TGFB2: variants seen among roughly 807,000 people sequenced by gnomAD.
TGFB2 encodes transforming growth factor beta 2, also known as transforming growth factor beta-2 proprotein.
TGFB2 carries 13 observed loss-of-function variants against 42.7 expected under a neutral mutation model. The ratio of observed to expected loss-of-function variants is 0.30; its 90% CI spans 0.20 to 0.48. TGFB2 has a LOEUF of 0.48. Among genes scored for constraint, TGFB2 ranks in the 20% least tolerant of loss-of-function variants. TGFB2 has a pLI of 0.99. For missense variants in TGFB2, 390 were observed against 517.5 expected, an observed-to-expected ratio of 0.75 and a Z score of 2.39; for synonymous variants, 193 against 193.6, an observed-to-expected ratio of 1.00 and a Z score of 0.03.
At chr1:218,359,184 G>T (rs1042691986) in intron 1 of TGFB2, among the ~76,000 whole-genome samples, 4 of 152,164 alleles carry the variant, frequency 2.6e-5, no homozygotes, top group African/African-American at 9.7e-5. Context: ...GAAGCAGGAG[G>T]TTCCACCTTC....
chr1:218,390,607 C>T (rs1458638169), intron 1 of TGFB2, among the ~76,000 whole-genome samples: 1 of 152,114 alleles, frequency 6.6e-6, no homozygotes, highest in African/African-American at 2.4e-5. Context: ...CATACTTAAA[C>T]ATTTTAAAGT....
chr1:218,404,756 C>A (rs944860541), intron 1 of TGFB2, among the ~76,000 whole-genome samples: 17 of 152,152 alleles, frequency 1.1e-4, no homozygotes, highest in African/African-American at 4.1e-4. Context: ...AAAAAAAATA[C>A]ATGGGCAAAC....
intron 1 of TGFB2, among the ~76,000 whole-genome samples, chr1:218,356,292 C>G (rs907354395): frequency 3.9e-5 from 6 of 151,992 alleles, no homozygotes; most frequent in African/African-American, 1.4e-4. Flanking sequence ...ACATGGCTCA[C>G]TGAAGCCTCC....
chr1:218,352,256 C>T (rs1052271716), intron 1 of TGFB2, among the ~76,000 whole-genome samples: 8 of 151,918 alleles, frequency 5.3e-5, no homozygotes, highest in Non-Finnish European at 7.4e-5. Context: ...CTGATGGGCT[C>T]CCGGAGAGAG....
chr1:218,376,190 T>A (rs533268555), intron 1 of TGFB2, among the ~76,000 whole-genome samples: 3 of 152,312 alleles, frequency 2.0e-5, no homozygotes, highest in Non-Finnish European at 4.4e-5. Context: ...ACAATAGAAT[T>A]TAAAATATTG....
intron 2 of TGFB2, among the ~76,000 whole-genome samples, chr1:218,430,248 G>T (rs1659763699): frequency 6.6e-6 from 1 of 151,926 alleles, no homozygotes; most frequent in Non-Finnish European, 1.5e-5. Flanking sequence ...TAAAAAATTA[G>T]CCGGGCATGG....
intron 2 of TGFB2, among the ~76,000 whole-genome samples, chr1:218,416,806 CT>C (rs1659296531): frequency 6.6e-6 from 1 of 152,156 alleles, no homozygotes; most frequent in Admixed American, 6.5e-5. Context: ...GGGAGCAAGT[CT>C]TTCCCATGCT....
In TGFB2 at chr1:218,346,959, G is replaced by A; in HGVS notation, c.258G>A (p.Ala86=). The A allele has an allele frequency of 6.2e-7, 1 of 1,613,996 alleles. No individual in the cohort carries two copies. Among genetic ancestry groups the A allele is most frequent in the Non-Finnish European group, 8.5e-7 (1 of 1,179,944 alleles). ...DLLQEKASRR[A]AACERERSDE... The stretch of plus-strand genomic sequence containing the variant: ...TCCAGGAGAAGGCGAGCCGGAGGGC[G>A]GCCGCCTGCGAGCGCGAGAGGAGCG... The change falls in exon 1 of 7, where the codon GCG becomes GCA. Residue 86 remains alanine (A), a synonymous_variant. Coordinates refer to ENST00000366930, the MANE Select transcript of TGFB2 (RefSeq NM_003238.6). The surrounding 1 kb of genome is among the most constrained non-coding windows in gnomAD (Gnocchi z 4.9).
intron 6 of TGFB2, among the ~76,000 whole-genome samples, 198 bp downstream of exon 6, chr1:218,437,694 C>T (rs10482824): frequency 0.013 from 1,932 of 152,188 alleles, 36 homozygotes; most frequent in African/African-American, 0.044. Flanking sequence ...AGAAACTCCC[C>T]TAATAGATGA....
rs767503001 is a variant in TGFB2, at chr1:218,434,342, G to A, written c.648G>A (p.Arg216=). The A allele has an allele frequency of 2.0e-5, 32 of 1,613,416 alleles. No homozygotes were observed. In the Admixed American group the frequency reaches 4.7e-4, roughly 24 times the overall value. The change falls in exon 4 of 7, where the codon AGG becomes AGA. Residue 216 remains arginine (R), a synonymous_variant. Coordinates refer to ENST00000366930, the MANE Select transcript of TGFB2 (RefSeq NM_003238.6). ...AVHEWLHHKD[R]NLGFKISLHC... ...CCTTGACTTAATGTTTTCCAGACAGGAACCTGGGATTTAAAATAAGCTTAC... is the reference window on the plus strand; with the variant it reads ...CCTTGACTTAATGTTTTCCAGACAGAAACCTGGGATTTAAAATAAGCTTAC...
chr1:218,376,515 G>A (rs764135227), intron 1 of TGFB2, among the ~76,000 whole-genome samples: 1 of 152,128 alleles, frequency 6.6e-6, no homozygotes, highest in Non-Finnish European at 1.5e-5. Context: ...CTTGGAAGAG[G>A]CATCACCAAC....
At chr1:218,353,399 A>G (rs1272420759) in intron 1 of TGFB2, among the ~76,000 whole-genome samples, 1 of 152,160 alleles carries the variant, frequency 6.6e-6, no homozygotes, top group Non-Finnish European at 1.5e-5. Context: ...AAGGCCTGAG[A>G]GTTTAGGCAA....
chr1:218,435,662 C>G (rs1236930378), intron 4 of TGFB2, among the ~76,000 whole-genome samples: 1 of 152,212 alleles, frequency 6.6e-6, no homozygotes, highest in South Asian at 2.1e-4. Flanking sequence ...CTAAAATAAA[C>G]TGCCTAGATT....
chr1:218,351,078 T>C (rs1289740423), intron 1 of TGFB2, among the ~76,000 whole-genome samples: 1 of 152,228 alleles, frequency 6.6e-6, no homozygotes, highest in East Asian at 1.9e-4. Context: ...TTTTCCAAGT[T>C]AAATTGTGGA....
In TGFB2 at chr1:218,441,385, C is replaced by T. The variant is rs757989824; in HGVS notation, c.*23C>T. On this transcript the variant is annotated 3_prime_UTR_variant, in exon 7 of 7. Transcript: ENST00000366930. ...TAAAATTCTTGGAAAAGTGGCAAGA[C>T]CAAAATGACAATGATGATGATAATG... is the stretch of plus-strand genomic sequence containing the variant. 4.4e-6 allele frequency: 7 copies of T among 1,590,256 alleles called. No individual in the cohort carries two copies. In the South Asian group the frequency reaches 8.1e-5, roughly 18 times the overall value.
intron 2 of TGFB2, among the ~76,000 whole-genome samples, chr1:218,429,797 A>G (rs1659748712): frequency 6.6e-6 from 1 of 152,248 alleles, no homozygotes; most frequent in Non-Finnish European, 1.5e-5. Context: ...ATCAGTTTCT[A>G]GACCATTTAA....
Position 218,434,406 on chromosome 1 carries a change from A to T in TGFB2, c.712A>T (p.Ile238Phe). Residue 238 changes from isoleucine (I) to phenylalanine (F), a missense_variant, in exon 4 of 7, where the codon ATC becomes TTC. Physicochemically the swap from Ile to Phe is conservative, Grantham distance 21. Coordinates refer to ENST00000366930, the MANE Select transcript of TGFB2 (RefSeq NM_003238.6). ...CCTFVPSNNY[I>F]IPNKSEELEA... Reference sequence around the variant, plus strand: ...CACTTTTGTACCATCTAATAATTACATCATCCCAAATAAAAGTGAAGAACT... The same window carrying T: ...CACTTTTGTACCATCTAATAATTACTTCATCCCAAATAAAAGTGAAGAACT... 6.2e-7 allele frequency: 1 copy of T among 1,614,004 alleles called. No homozygotes were observed.
chr1:218,404,439 A>G (rs1027713367), intron 1 of TGFB2, among the ~76,000 whole-genome samples: 15 of 152,160 alleles, frequency 9.9e-5, no homozygotes, highest in Non-Finnish European at 1.2e-4. Context: ...TTAAAATGTC[A>G]TGTACCATCA....
intron 1 of TGFB2, among the ~76,000 whole-genome samples, chr1:218,398,744 C>G (rs111885749): frequency 6.6e-6 from 1 of 151,960 alleles, no homozygotes; most frequent in African/African-American, 2.4e-5. Flanking sequence ...CCTGCCACCA[C>G]GCCCAGCTAA....
Sources: gnomAD v4.1 joint callset for allele counts (sites outside exome capture counted in the v4.1 genomes callset) on GRCh38, gnomAD v4.1.1 for gene constraint, Gnocchi (gnomAD v3.1) non-coding constraint, MANE v1.5 for transcripts, NCBI Gene and HGNC (gene_info 2026-07-23, HGNC 2026-07-21) for gene names.